The following PEMT variants were observed in gnomAD, a reference collection of about 807,000 sequenced individuals.
PEMT encodes the protein phosphatidylethanolamine N-methyltransferase.
A neutral mutation model predicts 27.4 loss-of-function variants in PEMT; 23 were observed. The ratio of observed to expected loss-of-function variants is 0.84; its 90% CI spans 0.60 to 1.19. The LOEUF is 1.19. PEMT is among the 50% of genes most tolerant of loss of function. PEMT has a pLI of 0.00. For missense variants in PEMT, 307 were observed against 310.1 expected (o/e 0.99, Z 0.07); for synonymous variants, 137 against 139.1 (o/e 0.98, Z 0.11).
chr17:17,542,921 G>A (rs755606941), intron 2 of PEMT, among the ~76,000 whole-genome samples: 7 of 152,208 alleles, frequency 4.6e-5, no homozygotes, highest in Non-Finnish European at 7.3e-5. Flanking sequence ...GCACACTGCC[G>A]GGTCTAGAGG....
chr17:17,549,434 C>T (rs563422418), intron 2 of PEMT, among the ~76,000 whole-genome samples: 12 of 152,268 alleles, frequency 7.9e-5, no homozygotes, highest in East Asian at 1.9e-4. Context: ...GTGATCCACC[C>T]GCCTCAGCCT....
intron 2 of PEMT, among the ~76,000 whole-genome samples, chr17:17,572,050 C>T (rs1004832794): frequency 6.6e-6 from 1 of 152,178 alleles, no homozygotes; most frequent in Non-Finnish European, 1.5e-5. Flanking sequence ...ACAGGCAAAA[C>T]CGAGCTCTTC....
At chr17:17,554,097 C>T (rs565843564) in intron 2 of PEMT, among the ~76,000 whole-genome samples, 128 of 152,336 alleles carry the variant, frequency 8.4e-4, no homozygotes, top group African/African-American at 3.0e-3. Context: ...GCCTGGTAGC[C>T]GGGATCCTGC....
intron 6 of PEMT, 69 bp downstream of exon 6, chr17:17,506,157 GA>G: frequency 3.1e-6 from 4 of 1,297,812 alleles, no homozygotes; most frequent in Non-Finnish European, 4.3e-6. Context: ...TGGCCACAAG[GA>G]AAGGTTCTAG....
At chr17:17,576,313 G>A (rs1300187072) in intron 2 of PEMT, among the ~76,000 whole-genome samples, 1 of 152,160 alleles carries the variant, frequency 6.6e-6, no homozygotes, top group African/African-American at 2.4e-5. Context: ...CCACCCCTCG[G>A]TGCTGGTGCC....
At chr17:17,574,084 C>T (rs539099756) in intron 2 of PEMT, among the ~76,000 whole-genome samples, 4 of 151,952 alleles carry the variant, frequency 2.6e-5, no homozygotes, top group Admixed American at 1.3e-4. Context: ...AGATGCCGTC[C>T]GGATACTCTC....
chr17:17,589,474 T>C (rs1010147355), intron 1 of PEMT, among the ~76,000 whole-genome samples: 1 of 152,202 alleles, frequency 6.6e-6, no homozygotes, highest in East Asian at 1.9e-4. Context: ...CAATAAAATA[T>C]ATTGTCAAAA....
rs543240993 is a variant in PEMT at position 17,516,574 on chromosome 17, C to A, written c.321-3920G>T. On this transcript the variant is annotated intron_variant, in intron 3 of 6. Transcript: ENST00000255389. ...CGGGCAGGCCAAGGACAACAGGCAG[C>A]AGTATCCCAGCACCCCTAGCACCTG... Among the ~76,000 whole-genome samples, 3 of 152,306 alleles carry A rather than the reference C, an allele frequency of 2.0e-5. No homozygotes were observed. In the East Asian group the frequency reaches 5.8e-4, roughly 29 times the overall value.
At chr17:17,592,117 C>T (rs983305158), upstream of PEMT, 1 of 985,188 alleles carries the variant, frequency 1.0e-6, no homozygotes, top group African/African-American at 1.7e-5. Context: ...GGGCCCCACG[C>T]CCTCTTCTGA....
intron 1 of PEMT, among the ~76,000 whole-genome samples, chr17:17,590,160 G>C (rs570078120): frequency 1.3e-5 from 2 of 152,262 alleles, no homozygotes; most frequent in African/African-American, 2.4e-5. Context: ...AGGTTCACCT[G>C]GTGAAAATGC....
intron 6 of PEMT, 110 bp downstream of exon 6, chr17:17,506,117 G>T: frequency 9.3e-7 from 1 of 1,069,802 alleles, no homozygotes; most frequent in Non-Finnish European, 1.3e-6. Context: ...GAGTGGGCCT[G>T]GCTGACGGCA....
chr17:17,508,678 G>A, intron 5 of PEMT: 2 of 406,424 alleles, frequency 4.9e-6, no homozygotes, highest in South Asian at 1.8e-5. Context: ...GCCGAGGGCA[G>A]CGCCCGCTGT....
At chr17:17,572,073 C>T (rs1012390070) in intron 2 of PEMT, among the ~76,000 whole-genome samples, 1 of 152,212 alleles carries the variant, frequency 6.6e-6, no homozygotes, top group African/African-American at 2.4e-5. Context: ...CCACAAGCCT[C>T]TCCTCCCACG....
intron 2 of PEMT, among the ~76,000 whole-genome samples, chr17:17,536,744 G>A (rs577345284): frequency 5.9e-5 from 9 of 152,342 alleles, no homozygotes; most frequent in South Asian, 2.1e-4. Context: ...CACCAGGTGC[G>A]ACTCATGCTC....
At chr17:17,564,594 A>G (rs145087740) in intron 2 of PEMT, among the ~76,000 whole-genome samples, 250 of 152,216 alleles carry the variant, frequency 1.6e-3, no homozygotes, top group African/African-American at 5.9e-3. Flanking sequence ...CGGCCAGCTC[A>G]CAGAAACCCC....
chr17:17,539,837 CCT>C (rs1188408680), intron 2 of PEMT, among the ~76,000 whole-genome samples: 1 of 152,296 alleles, frequency 6.6e-6, no homozygotes, highest in Admixed American at 6.5e-5. Flanking sequence ...TGCCGCAGCC[CCT>C]GTGCCCCACC....
intron 2 of PEMT, among the ~76,000 whole-genome samples, chr17:17,539,470 CT>C (rs1177465496): frequency 1.3e-5 from 2 of 152,220 alleles, no homozygotes; most frequent in African/African-American, 4.8e-5. Flanking sequence ...GCATCCTGCA[CT>C]TGGTATGATG....
intron 1 of PEMT, among the ~76,000 whole-genome samples, chr17:17,586,875 C>T (rs1346540615): frequency 9.2e-5 from 14 of 152,060 alleles, no homozygotes; most frequent in Admixed American, 5.9e-4. Flanking sequence ...TGGTGGAGGG[C>T]GCCTGTAATC....
upstream of PEMT, chr17:17,591,737 C>A: frequency 6.8e-7 from 1 of 1,473,184 alleles, no homozygotes; most frequent in African/African-American, 1.4e-5. Flanking sequence ...TTCCCGGTGA[C>A]CCCCAACATA....
Sources: allele counts gnomAD v4.1 joint callset (sites outside exome capture counted in the v4.1 genomes callset), GRCh38; gene constraint gnomAD v4.1.1; transcripts MANE v1.5; gene names NCBI Gene and HGNC (gene_info 2026-07-23, HGNC 2026-07-21).